MEGF10: variants seen among roughly 807,000 people sequenced by gnomAD.
MEGF10 encodes multiple EGF like domains 10.
MEGF10 carries 86 observed loss-of-function variants against 147.5 expected under a neutral mutation model. The observed-to-expected ratio is 0.58, with a 90% CI of 0.49 to 0.70. The LOEUF (loss-of-function observed/expected upper bound fraction) is 0.70, where lower values mean the gene tolerates loss of function less well. MEGF10 is among the 30% of genes least tolerant of loss of function. MEGF10 has a pLI of 0.00. For synonymous variants in MEGF10, 478 were observed against 525.5 expected (o/e 0.91, Z 1.24); for missense variants, 1,329 against 1,487.3 (o/e 0.89, Z 1.75).
chr5:127,231,106 C>T, the MEGF10 span, among the ~76,000 whole-genome samples: 3 of 152,090 alleles, frequency 2.0e-5, no homozygotes, highest in African/African-American at 7.2e-5. Flanking sequence ...GAACTGAATC[C>T]TCCCCCTTCT....
upstream of MEGF10, among the ~76,000 whole-genome samples, chr5:127,288,510 C>T (rs1034989399): frequency 2.0e-5 from 3 of 152,102 alleles, no homozygotes; most frequent in Non-Finnish European, 2.9e-5. Context: ...CATCATTAGT[C>T]AGTAAGGAAA....
chr5:127,344,045 A>G (rs1225216118), intron 4 of MEGF10, among the ~76,000 whole-genome samples: 5 of 152,202 alleles, frequency 3.3e-5, no homozygotes, highest in Admixed American at 2.0e-4. Flanking sequence ...ACTTGTCCAT[A>G]TAAAGGAAGT....
intron 4 of MEGF10, 28 bp downstream of exon 4, chr5:127,340,658 T>C: frequency 6.3e-7 from 1 of 1,587,538 alleles, no homozygotes; most frequent in Non-Finnish European, 8.6e-7. Context: ...CCCTTTGAGA[T>C]TCGCTAGTTT....
chr5:127,231,871 G>C, the MEGF10 span, among the ~76,000 whole-genome samples: 1 of 152,216 alleles, frequency 6.6e-6, no homozygotes, highest in African/African-American at 2.4e-5. Flanking sequence ...AGAAGAGAGA[G>C]AGCCTAAACA....
chr5:127,381,209 A>G (rs887711169), intron 5 of MEGF10, among the ~76,000 whole-genome samples: 13 of 152,216 alleles, frequency 8.5e-5, no homozygotes, highest in African/African-American at 2.9e-4. Context: ...ACAAACTGCA[A>G]ATGAACAGTA....
chr5:127,349,695 T>C (rs1162187131), intron 4 of MEGF10, among the ~76,000 whole-genome samples: 1 of 133,024 alleles, frequency 7.5e-6, no homozygotes, highest in Non-Finnish European at 1.8e-5. Flanking sequence ...TTTTTTTTTG[T>C]TTTTTTTAGG....
chr5:127,253,795 A>G, the MEGF10 span, among the ~76,000 whole-genome samples: 1 of 152,064 alleles, frequency 6.6e-6, no homozygotes, highest in Admixed American at 6.6e-5. Context: ...TTGAGAATAG[A>G]AAAGAAGTCT....
At chr5:127,394,862 T>C (rs1037518802) in intron 5 of MEGF10, among the ~76,000 whole-genome samples, 1 of 152,236 alleles carries the variant, frequency 6.6e-6, no homozygotes, top group Non-Finnish European at 1.5e-5. Flanking sequence ...AAAGTGTGTT[T>C]ATTAAAATAC....
chr5:127,434,736 G>A lies in MEGF10; in HGVS notation c.1890G>A (p.Gln630=). ...ATCGCTGCAGCCAGACATGCCCACA[G>A]TGCGTTCACAGCAGCGGGCCCTGCC... The part of the protein sequence containing the change: ...YGHRCSQTCP[Q]CVHSSGPCHH... Residue 630 remains glutamine (Q), a synonymous_variant, in exon 15 of 25, where the codon CAG becomes CAA. Coordinates refer to ENST00000503335, the MANE Select transcript of MEGF10 (RefSeq NM_001256545.2). 1 of 1,614,004 alleles carries A rather than the reference G, an allele frequency of 6.2e-7. No individual in the cohort carries two copies. The highest frequency in any genetic ancestry group is 1.1e-5 in the South Asian group (1 of 91,070).
the MEGF10 span, among the ~76,000 whole-genome samples, chr5:127,269,049 A>G: frequency 1.3e-5 from 2 of 152,232 alleles, no homozygotes; most frequent in African/African-American, 4.8e-5. Context: ...AAGGAAAACT[A>G]ACAAACAGAA....
the MEGF10 span, among the ~76,000 whole-genome samples, chr5:127,246,935 T>TACTA: frequency 1.4e-4 from 16 of 113,174 alleles, no homozygotes; most frequent in African/African-American, 2.1e-4. Context: ...CAATAATATA[T>TACTA]GATTATATTA....
intron 4 of MEGF10, among the ~76,000 whole-genome samples, chr5:127,358,236 A>T (rs1218439026): frequency 1.3e-5 from 2 of 152,128 alleles, no homozygotes; most frequent in Non-Finnish European, 2.9e-5. Flanking sequence ...AGTGGAAAGA[A>T]CATGAGGGCA....
At chr5:127,402,518 C>G (rs1274240692) in intron 7 of MEGF10, 28 bp from the exon 8 acceptor site, 2 of 1,600,636 alleles carry the variant, frequency 1.2e-6, no homozygotes, top group Non-Finnish European at 1.7e-6. Context: ...GGAGGCCCAT[C>G]TAATTTTCCA....
chr5:127,273,352 A>G, the MEGF10 span, among the ~76,000 whole-genome samples: 53 of 151,602 alleles, frequency 3.5e-4, no homozygotes, highest in South Asian at 2.7e-3. Context: ...CTGCATGTCG[A>G]AAAAAAAACT....
chr5:127,390,596 A>T (rs11959505), intron 5 of MEGF10, among the ~76,000 whole-genome samples: 27,453 of 152,060 alleles, frequency 0.18, 2,635 homozygotes, highest in African/African-American at 0.25. Flanking sequence ...TGGCCTTTTT[A>T]AAATCTACTT....
intron 1 of MEGF10, among the ~76,000 whole-genome samples, chr5:127,323,580 A>C (rs1291323097): frequency 6.6e-6 from 1 of 152,184 alleles, no homozygotes; most frequent in East Asian, 1.9e-4. Context: ...CATTATTAGG[A>C]GGTATTTTGG....
chr5:127,290,351 CA>C (rs1759188684), upstream of MEGF10, among the ~76,000 whole-genome samples: 1 of 152,158 alleles, frequency 6.6e-6, no homozygotes, highest in Non-Finnish European at 1.5e-5. Flanking sequence ...CCCCTGACAC[CA>C]CTGAGGACCC....
chr5:127,442,932 C>A, intron 18 of MEGF10, 66 bp from the exon 19 acceptor site: 1 of 1,536,130 alleles, frequency 6.5e-7, no homozygotes, highest in Non-Finnish European at 8.8e-7. Context: ...GCAGGGCTTG[C>A]AGTCAGAGAC....
intron 4 of MEGF10, among the ~76,000 whole-genome samples, chr5:127,363,311 A>T (rs1203618622): frequency 6.6e-6 from 1 of 152,224 alleles, no homozygotes; most frequent in African/African-American, 2.4e-5. Context: ...ACATATACAT[A>T]ATAAGGATCC....
Sources: allele counts gnomAD v4.1 joint callset (sites outside exome capture counted in the v4.1 genomes callset), GRCh38; gene constraint gnomAD v4.1.1; transcripts MANE v1.5; gene names NCBI Gene and HGNC (gene_info 2026-07-23, HGNC 2026-07-21).